EVA1C: variants seen among roughly 807,000 people sequenced by gnomAD.
EVA1C encodes the protein eva-1 homolog C, also known as protein eva-1 homolog C.
Under a neutral mutation model 45.4 loss-of-function variants are expected in EVA1C, and 25 were observed. The ratio of observed to expected loss-of-function variants is 0.55; its 90% CI spans 0.40 to 0.77. EVA1C has a LOEUF of 0.77. Among genes scored for constraint, EVA1C ranks in the 30% least tolerant of loss-of-function variants. EVA1C has a pLI of 0.00. For synonymous variants in EVA1C, 190 were observed against 221.2 expected (o/e 0.86, Z 1.25); for missense variants, 479 against 554.8 (o/e 0.86, Z 1.37).
chr21:32,476,501 T>C (rs921468494), intron 4 of EVA1C, among the ~76,000 whole-genome samples: 5 of 151,866 alleles, frequency 3.3e-5, no homozygotes, highest in South Asian at 2.1e-4. Context: ...ATTAACCACA[T>C]GTGGTGGCGC....
At chr21:32,414,350 T>C (rs148304257) in intron 1 of EVA1C, among the ~76,000 whole-genome samples, 423 of 152,296 alleles carry the variant, frequency 2.8e-3, no homozygotes, top group African/African-American at 9.7e-3. Context: ...AGAAAAGCTC[T>C]GTATTAGCTG....
At chr21:32,448,724 T>C (rs957371671) in intron 1 of EVA1C, among the ~76,000 whole-genome samples, 1 of 151,796 alleles carries the variant, frequency 6.6e-6, no homozygotes, top group East Asian at 1.9e-4. Context: ...CTGACCAATA[T>C]GATGAAACCC....
intron 7 of EVA1C, among the ~76,000 whole-genome samples, chr21:32,513,551 C>CTTTTTTTTT (rs1165725714): frequency 2.6e-4 from 28 of 106,774 alleles, no homozygotes; most frequent in African/African-American, 6.7e-4. Flanking sequence ...TTTTTCTTTT[C>CTTTTTTTTT]TTTTTTTTTT....
chr21:32,515,012 A>C lies in EVA1C; in HGVS notation c.1148A>C (p.Glu383Ala). 2 of 1,614,126 alleles carry C rather than the reference A, an allele frequency of 1.2e-6. No homozygotes were observed. The highest frequency in any genetic ancestry group is 1.7e-6 in the Non-Finnish European group (2 of 1,179,988). ...GAAGAAGAGGAGGAGGACCCCTCTG[A>C]GTCTGATTTCCCAGGGGAACTGTCG... Reference protein sequence around the residue: ...EDEEEEEDPSESDFPGELSGF... With the variant: ...EDEEEEEDPSASDFPGELSGF... Residue 383 changes from glutamate to alanine, a missense_variant, in exon 8 of 8, where the codon GAG (glutamate) becomes GCG (alanine). Transcript: ENST00000300255.
chr21:32,504,794 A>G (rs978501702), intron 7 of EVA1C, among the ~76,000 whole-genome samples: 6 of 152,180 alleles, frequency 3.9e-5, no homozygotes, highest in African/African-American at 1.4e-4. Flanking sequence ...GTCTCAGAGG[A>G]AAATAGAGGC....
At chr21:32,422,932 A>G (rs2034338025) in intron 1 of EVA1C, among the ~76,000 whole-genome samples, 2 of 151,966 alleles carry the variant, frequency 1.3e-5, no homozygotes, top group Admixed American at 1.3e-4. Flanking sequence ...TTAGCTGGGC[A>G]TGGTGGTGCA....
chr21:32,451,213 G>A (rs1417446891), intron 1 of EVA1C, among the ~76,000 whole-genome samples: 1 of 152,132 alleles, frequency 6.6e-6, no homozygotes, highest in East Asian at 1.9e-4. Context: ...TTTACACACA[G>A]GTCATCGAGC....
At chr21:32,495,741 G>A (rs917232813) in intron 5 of EVA1C, among the ~76,000 whole-genome samples, 8 of 152,100 alleles carry the variant, frequency 5.3e-5, no homozygotes, top group Non-Finnish European at 1.2e-4. Context: ...TGCCTTCTTC[G>A]TTTAGATTCT....
intron 1 of EVA1C, among the ~76,000 whole-genome samples, chr21:32,446,368 T>G (rs1465000067): frequency 6.6e-6 from 1 of 152,228 alleles, no homozygotes; most frequent in African/African-American, 2.4e-5. Flanking sequence ...TCTTCCAGGA[T>G]AGCAAATACT....
intron 3 of EVA1C, among the ~76,000 whole-genome samples, chr21:32,460,571 A>AG (rs1195174917): frequency 6.6e-6 from 1 of 152,182 alleles, no homozygotes; most frequent in Non-Finnish European, 1.5e-5. Flanking sequence ...TTCACCCAGC[A>AG]GGGGCCAGGT....
chr21:32,472,412 G>A (rs2036409695), intron 4 of EVA1C, among the ~76,000 whole-genome samples: 1 of 152,138 alleles, frequency 6.6e-6, no homozygotes, highest in Admixed American at 6.5e-5. Context: ...ACCCGCCTTG[G>A]CCTCCCCAAA....
chr21:32,469,307 T>C (rs1278705233), intron 4 of EVA1C, among the ~76,000 whole-genome samples: 1 of 152,016 alleles, frequency 6.6e-6, no homozygotes. Flanking sequence ...AGGCCAGGGG[T>C]TCCTGCAAAG....
chr21:32,464,557 C>T (rs184468696), intron 3 of EVA1C, among the ~76,000 whole-genome samples: 1 of 152,110 alleles, frequency 6.6e-6, no homozygotes, highest in Non-Finnish European at 1.5e-5. Context: ...CATGGTGACT[C>T]ACGCCTGTAA....
At chr21:32,444,681 A>C (rs2146215493) in intron 1 of EVA1C, among the ~76,000 whole-genome samples, 2 of 152,146 alleles carry the variant, frequency 1.3e-5, no homozygotes, top group East Asian at 3.9e-4. Context: ...GACCAATATA[A>C]CCTTCAGTTC....
chr21:32,456,962 CAGAAAGTCTG>C (rs1450257693), intron 2 of EVA1C, among the ~76,000 whole-genome samples: 2 of 152,182 alleles, frequency 1.3e-5, no homozygotes, highest in African/African-American at 4.8e-5. Context: ...CAATGCTCAA[CAGAAAGTCTG>C]AGTGTTCCAC....
At chr21:32,481,599 T>TA (rs1018328023) in intron 4 of EVA1C, among the ~76,000 whole-genome samples, 23 of 151,974 alleles carry the variant, frequency 1.5e-4, no homozygotes, top group African/African-American at 4.8e-4. Flanking sequence ...TAAGTTATAT[T>TA]AAAAAAAGAG....
chr21:32,439,639 T>G (rs184215667), intron 1 of EVA1C, among the ~76,000 whole-genome samples: 2,024 of 152,254 alleles, frequency 0.013, 28 homozygotes, highest in Non-Finnish European at 0.017. Context: ...TCACCCGACC[T>G]GTTCTTTAGG....
chr21:32,426,872 G>A (rs777760035), intron 1 of EVA1C, among the ~76,000 whole-genome samples: 1 of 152,156 alleles, frequency 6.6e-6, no homozygotes, highest in African/African-American at 2.4e-5. Context: ...AAGAGAGCGA[G>A]CAGGGGCACC....
chr21:32,456,138 C>T lies in EVA1C; in HGVS notation c.358-1459C>T, dbSNP rs543971113. 4.0e-3 allele frequency among the ~76,000 whole-genome samples: 615 copies of T among 152,280 alleles called. 3 individuals are homozygous for T. Among genetic ancestry groups the T allele is most frequent in the Non-Finnish European group, 5.6e-3 (381 of 68,028 alleles). ...AACTCCTGACCTCAGGTGATCTGCCCGCTTCGGCCCCCCAAAATGCTGGGA... is the reference window on the plus strand; with the variant it reads ...AACTCCTGACCTCAGGTGATCTGCCTGCTTCGGCCCCCCAAAATGCTGGGA... On this transcript the variant is annotated intron_variant, in intron 2 of 7. Transcript: ENST00000300255.
Sources: gnomAD v4.1 joint callset for allele counts (sites outside exome capture counted in the v4.1 genomes callset) on GRCh38, gnomAD v4.1.1 for gene constraint, MANE v1.5 for transcripts, NCBI Gene and HGNC (gene_info 2026-07-23, HGNC 2026-07-21) for gene names.